The following IL1RAPL2 variants were observed in gnomAD, a reference collection of about 807,000 sequenced individuals.
IL1RAPL2 encodes interleukin 1 receptor accessory protein like 2.
A neutral mutation model predicts 44.1 loss-of-function variants in IL1RAPL2; 3 were observed. The ratio of observed to expected loss-of-function variants is 0.07; its 90% CI spans 0.03 to 0.18. The LOEUF (loss-of-function observed/expected upper bound fraction) is 0.18. Ranked by LOEUF, IL1RAPL2 falls within the 10% of genes least tolerant of loss-of-function variation. The pLI, the probability that IL1RAPL2 is intolerant of heterozygous loss-of-function variation, is 1.00. For missense variants in IL1RAPL2, 391 were observed against 496.4 expected, an observed-to-expected ratio of 0.79 and a Z score of 2.02; for synonymous variants, 181 against 178.8, an observed-to-expected ratio of 1.01 and a Z score of -0.10.
chrX:104,610,890 TAC>T (rs1299285113), intron 1 of IL1RAPL2, among the ~76,000 whole-genome samples: 5 of 111,622 alleles, frequency 4.5e-5, no homozygotes, highest in African/African-American at 9.7e-5. Flanking sequence ...ACTACAAGAC[TAC>T]AGTTTTCTTT....
chrX:105,151,540 G>A (rs1393141284), intron 2 of IL1RAPL2, among the ~76,000 whole-genome samples: 1 of 109,659 alleles, frequency 9.1e-6, no homozygotes, highest in African/African-American at 3.3e-5. Flanking sequence ...CGTTTTTTTG[G>A]TTTGTTTGTT....
chrX:104,675,291 A>C (rs1930722787), intron 2 of IL1RAPL2, among the ~76,000 whole-genome samples: 1 of 111,365 alleles, frequency 9.0e-6, no homozygotes, highest in African/African-American at 3.3e-5. Flanking sequence ...AGATTCTGGT[A>C]TGTTGTGTCT....
At chrX:104,716,199 A>G (rs1404190357) in intron 2 of IL1RAPL2, among the ~76,000 whole-genome samples, 1 of 111,854 alleles carries the variant, frequency 8.9e-6, no homozygotes, top group Non-Finnish European at 1.9e-5. Flanking sequence ...CCTATTCAAT[A>G]AATGTTGCTG....
intron 2 of IL1RAPL2, among the ~76,000 whole-genome samples, chrX:104,851,801 C>T (rs1000667330): frequency 1.8e-5 from 2 of 111,601 alleles, no homozygotes; most frequent in Non-Finnish European, 3.8e-5. Context: ...TGTATCACAA[C>T]ATGACAGAGA....
At chrX:105,684,168 C>T (rs2037948797) in intron 6 of IL1RAPL2, among the ~76,000 whole-genome samples, 1 of 112,026 alleles carries the variant, frequency 8.9e-6, no homozygotes. Context: ...TGGTTCATCT[C>T]ATTGGGACTG....
In IL1RAPL2 at chrX:105,631,576, A is replaced by C. The variant is rs977847084; in HGVS notation, c.773-85791A>C. Among the ~76,000 whole-genome samples the C allele has an allele frequency of 3.6e-5, 4 of 112,034 alleles. No homozygotes were observed. The East Asian group carries it at 1.1e-3, about 32-fold the overall frequency. On this transcript the variant is annotated intron_variant, in intron 6 of 10. Coordinates refer to ENST00000372582, the MANE Select transcript of IL1RAPL2 (RefSeq NM_017416.2). Reference sequence around the variant, plus strand: ...CCCAGACTTTGCGTCTGCAAGGGGCAATATAGTAGCCCAGACACCTATTGA... The same window carrying C: ...CCCAGACTTTGCGTCTGCAAGGGGCCATATAGTAGCCCAGACACCTATTGA...
At chrX:104,594,722 C>T (rs1394311067) in intron 1 of IL1RAPL2, among the ~76,000 whole-genome samples, 2 of 111,447 alleles carry the variant, frequency 1.8e-5, no homozygotes. Flanking sequence ...CAGCTACCAA[C>T]TTTAGAGTAA....
intron 2 of IL1RAPL2, among the ~76,000 whole-genome samples, chrX:105,149,396 A>T (rs1307281099): frequency 8.9e-6 from 1 of 112,131 alleles, no homozygotes; most frequent in Non-Finnish European, 1.9e-5. Flanking sequence ...TCTGCTGCTT[A>T]TTAGGTATAT....
chrX:104,882,716 G>A (rs761011335), intron 2 of IL1RAPL2, among the ~76,000 whole-genome samples: 2 of 111,875 alleles, frequency 1.8e-5, no homozygotes, highest in East Asian at 5.7e-4. Context: ...AGCCAGCAGT[G>A]GCAACCTGCT....
At chrX:105,345,439 T>C (rs949140359) in intron 5 of IL1RAPL2, among the ~76,000 whole-genome samples, 13 of 111,979 alleles carry the variant, frequency 1.2e-4, no homozygotes, top group Non-Finnish European at 2.4e-4. Flanking sequence ...ATAACATAGA[T>C]GAGGTCGTGT....
intron 5 of IL1RAPL2, among the ~76,000 whole-genome samples, chrX:105,285,265 A>G (rs1036376624): frequency 8.9e-6 from 1 of 112,111 alleles, no homozygotes; most frequent in Non-Finnish European, 1.9e-5. Context: ...AATCACACCA[A>G]CTGGCCTGTA....
At chrX:105,168,167 A>G (rs1339141205) in intron 2 of IL1RAPL2, among the ~76,000 whole-genome samples, 1 of 112,140 alleles carries the variant, frequency 8.9e-6, no homozygotes, top group Non-Finnish European at 1.9e-5. Flanking sequence ...ATAGCCAGAC[A>G]GGCCTGGGAT....
At chrX:104,663,744 T>TA (rs1277035827) in intron 2 of IL1RAPL2, among the ~76,000 whole-genome samples, 8 of 104,270 alleles carry the variant, frequency 7.7e-5, no homozygotes, top group Non-Finnish European at 1.6e-4. Flanking sequence ...ATGTTTGGAG[T>TA]ATAAGACAAA....
At chrX:105,398,294 G>A (rs1330582460) in intron 5 of IL1RAPL2, among the ~76,000 whole-genome samples, 2 of 110,738 alleles carry the variant, frequency 1.8e-5, no homozygotes, top group East Asian at 5.7e-4. Context: ...AGAGTTTTTT[G>A]ATGATGATTC....
chrX:104,895,841 T>A (rs761575343), intron 2 of IL1RAPL2, among the ~76,000 whole-genome samples: 1 of 111,573 alleles, frequency 9.0e-6, no homozygotes, highest in South Asian at 3.8e-4. Flanking sequence ...GGTACCTCAG[T>A]TGGAAATGCA....
At chrX:105,009,934 A>G (rs2031020001) in intron 2 of IL1RAPL2, among the ~76,000 whole-genome samples, 3 of 110,228 alleles carry the variant, frequency 2.7e-5, no homozygotes, top group African/African-American at 9.9e-5. Context: ...GAGATCCACA[A>G]ACTCTCTGGA....
At chrX:105,186,046 T>A (rs2147607778) in intron 2 of IL1RAPL2, among the ~76,000 whole-genome samples, 1 of 112,146 alleles carries the variant, frequency 8.9e-6, no homozygotes, top group East Asian at 2.8e-4. Context: ...GTATTATAAA[T>A]ACTCTAGAGA....
At chrX:104,984,748 C>T (rs2030528423) in intron 2 of IL1RAPL2, among the ~76,000 whole-genome samples, 1 of 112,062 alleles carries the variant, frequency 8.9e-6, no homozygotes, top group Non-Finnish European at 1.9e-5. Flanking sequence ...AATACAGATA[C>T]ATTTTAAGGT....
chrX:105,183,896 A>C (rs1341014274), intron 2 of IL1RAPL2, among the ~76,000 whole-genome samples: 1 of 111,335 alleles, frequency 9.0e-6, no homozygotes, highest in Non-Finnish European at 1.9e-5. Flanking sequence ...TCAACATGGC[A>C]CCATGGCACA....
Sources: gnomAD v4.1 joint callset for allele counts (sites outside exome capture counted in the v4.1 genomes callset) on GRCh38, gnomAD v4.1.1 for gene constraint, MANE v1.5 for transcripts, NCBI Gene and HGNC (gene_info 2026-07-23, HGNC 2026-07-21) for gene names.